The following RTN1 variants were observed in gnomAD, a reference collection of about 807,000 sequenced individuals.
RTN1 encodes reticulon 1.
Under a neutral mutation model 65.5 loss-of-function variants are expected in RTN1, and 25 were observed. That is an observed-to-expected ratio of 0.38 (90% CI 0.28 to 0.53). The LOEUF (loss-of-function observed/expected upper bound fraction) is 0.53, where lower values mean the gene tolerates loss of function less well. Among genes scored for constraint, RTN1 ranks in the 20% least tolerant of loss-of-function variants. RTN1 has a pLI of 0.79. For missense variants in RTN1, 983 were observed against 1,025.4 expected, an observed-to-expected ratio of 0.96 and a Z score of 0.57; for synonymous variants, 471 against 447.6, an observed-to-expected ratio of 1.05 and a Z score of -0.66.
chr14:59,822,727 G>GT (rs1211886052), intron 1 of RTN1, among the ~76,000 whole-genome samples: 7 of 151,952 alleles, frequency 4.6e-5, no homozygotes, highest in African/African-American at 1.2e-4. Flanking sequence ...GTTTTCATTA[G>GT]TTTTTTTAAT....
intron 1 of RTN1, among the ~76,000 whole-genome samples, chr14:59,771,565 G>A (rs1036860667): frequency 2.6e-5 from 4 of 152,184 alleles, no homozygotes; most frequent in Non-Finnish European, 5.9e-5. Flanking sequence ...ACATGGCAAT[G>A]TGTGAGGCAC....
intron 1 of RTN1, among the ~76,000 whole-genome samples, chr14:59,759,563 G>A (rs1048099603): frequency 2.0e-5 from 3 of 152,052 alleles, no homozygotes; most frequent in African/African-American, 4.8e-5. Context: ...GTTGCTTCCA[G>A]GCTTTAGTCC....
rs1274363601 is a variant in RTN1 at position 59,774,907 on chromosome 14, T to C, written c.242-28426A>G. Among the ~76,000 whole-genome samples, 1 of 152,200 alleles carries C rather than the reference T, an allele frequency of 6.6e-6. No individual in the cohort carries two copies. The highest frequency in any genetic ancestry group is 6.5e-5 in the Admixed American group (1 of 15,274). On this transcript the variant is annotated intron_variant, in intron 1 of 8. Transcript: ENST00000267484. The surrounding 1 kb of genome is among the most constrained non-coding windows in gnomAD (Gnocchi z 5.1). The stretch of plus-strand genomic sequence containing the variant: ...AAAAACATCCAAGTAACCACTTCTA[T>C]AATGCTTGACTGAATTAACATTTCA...
chr14:59,719,805 C>T (rs1283530166), intron 3 of RTN1, among the ~76,000 whole-genome samples: 3 of 152,102 alleles, frequency 2.0e-5, no homozygotes, highest in African/African-American at 7.2e-5. Flanking sequence ...TTAGAAGTAT[C>T]TGAATTATGT....
Position 59,829,717 on chromosome 14 carries a change from G to A in RTN1, c.241+40673C>T, listed in dbSNP as rs1887093785. 6.6e-6 allele frequency among the ~76,000 whole-genome samples: 1 copy of A among 152,188 alleles called. No individual in the cohort carries two copies. The highest frequency in any genetic ancestry group is 2.4e-5 in the African/African-American group (1 of 41,444). On this transcript the variant is annotated intron_variant, in intron 1 of 8. Transcript: ENST00000267484. This position sits in a 1 kb window ranked among gnomAD's most constrained non-coding sequence, Gnocchi z 4.3. ...GCAGGCAGAGGGAGGCCCCACTCCT[G>A]TGCTTCCACAAAGCAAGAGGAAGGA... is the stretch of plus-strand genomic sequence containing the variant.
intron 1 of RTN1, among the ~76,000 whole-genome samples, chr14:59,799,866 A>G (rs1424295363): frequency 6.6e-6 from 1 of 152,220 alleles, no homozygotes; most frequent in Non-Finnish European, 1.5e-5. Context: ...GACACAAGGC[A>G]GAGTTTGACA....
chr14:59,694,297 T>A (rs1049661752), intron 3 of RTN1, among the ~76,000 whole-genome samples: 1 of 152,136 alleles, frequency 6.6e-6, no homozygotes, highest in Non-Finnish European at 1.5e-5. Flanking sequence ...AGATTACCCA[T>A]CTGGAAGTAA....
chr14:59,819,441 C>T (rs1566737554), intron 1 of RTN1, among the ~76,000 whole-genome samples: 1 of 50,304 alleles, frequency 2.0e-5, no homozygotes, highest in East Asian at 5.7e-4. Flanking sequence ...CACCCCCCCC[C>T]CCCGGCCACA....
At chr14:59,676,778 C>T (rs992937590) in intron 3 of RTN1, among the ~76,000 whole-genome samples, 1 of 152,140 alleles carries the variant, frequency 6.6e-6, no homozygotes, top group Non-Finnish European at 1.5e-5. Context: ...TGCACTTTAA[C>T]GGGTTTCTAA....
chr14:59,622,340 C>CTAAA (rs967419402), intron 3 of RTN1, among the ~76,000 whole-genome samples: 2 of 152,158 alleles, frequency 1.3e-5, no homozygotes, highest in African/African-American at 4.8e-5. Context: ...CACTCCATCT[C>CTAAA]TAAATAAATA....
chr14:59,612,669 A>G (rs1300759739), intron 3 of RTN1, among the ~76,000 whole-genome samples: 1 of 152,164 alleles, frequency 6.6e-6, no homozygotes, highest in African/African-American at 2.4e-5. Flanking sequence ...AAACTTTGCT[A>G]CAGGTCCCTG....
chr14:59,605,229 C>T, intron 5 of RTN1, 139 bp downstream of exon 5: 1 of 799,340 alleles, frequency 1.3e-6, no homozygotes, highest in Non-Finnish European at 1.9e-6. Context: ...TTCATGGTGC[C>T]ATACAACTGG....
chr14:59,684,220 G>C (rs1883800739), intron 3 of RTN1, among the ~76,000 whole-genome samples: 1 of 151,716 alleles, frequency 6.6e-6, no homozygotes, highest in African/African-American at 2.4e-5. Context: ...TGTTTTGTAA[G>C]TATTTCTAGA....
At chr14:59,810,947 C>T (rs1206340211) in intron 1 of RTN1, among the ~76,000 whole-genome samples, 1 of 152,060 alleles carries the variant, frequency 6.6e-6, no homozygotes, top group East Asian at 1.9e-4. Flanking sequence ...TAGCTGCAGC[C>T]CAGTTTTCTC....
intron 1 of RTN1, among the ~76,000 whole-genome samples, chr14:59,823,262 C>T (rs952077521): frequency 6.6e-6 from 1 of 151,814 alleles, no homozygotes; most frequent in Non-Finnish European, 1.5e-5. Context: ...TATGTAATGT[C>T]CTTCCTTGTC....
chr14:59,638,662 C>CGA (rs1882715788), intron 3 of RTN1, among the ~76,000 whole-genome samples: 1 of 152,154 alleles, frequency 6.6e-6, no homozygotes, highest in South Asian at 2.1e-4. Flanking sequence ...GAACCAACCT[C>CGA]TGCTAGCTTC....
intron 1 of RTN1, among the ~76,000 whole-genome samples, chr14:59,795,955 T>C (rs372806526): frequency 1.3e-5 from 2 of 152,166 alleles, no homozygotes; most frequent in Non-Finnish European, 2.9e-5. Context: ...CCAAAAATTA[T>C]GTATTAATCA....
At chr14:59,748,469 C>T (rs377213619) in intron 1 of RTN1, among the ~76,000 whole-genome samples, 14 of 151,818 alleles carry the variant, frequency 9.2e-5, no homozygotes, top group African/African-American at 2.7e-4. Flanking sequence ...GCTCAAATGT[C>T]GCCGTCTTAA....
intron 3 of RTN1, among the ~76,000 whole-genome samples, chr14:59,694,888 CTGGGAAA>C (rs1295674564): frequency 6.6e-6 from 1 of 152,158 alleles, no homozygotes; most frequent in African/African-American, 2.4e-5. Context: ...CACATATAAA[CTGGGAAA>C]CCCTTCAAGA....
Sources: gnomAD v4.1 joint callset for allele counts (sites outside exome capture counted in the v4.1 genomes callset) on GRCh38, gnomAD v4.1.1 for gene constraint, Gnocchi (gnomAD v3.1) non-coding constraint, MANE v1.5 for transcripts, NCBI Gene and HGNC (gene_info 2026-07-23, HGNC 2026-07-21) for gene names.